NNT: variants seen among roughly 807,000 people sequenced by gnomAD.
NNT encodes NAD(P) transhydrogenase, mitochondrial.
NNT carries 50 observed loss-of-function variants against 104.8 expected under a neutral mutation model. The ratio of observed to expected loss-of-function variants is 0.48; its 90% CI spans 0.38 to 0.60. The LOEUF is 0.60. Among genes scored for constraint, NNT ranks in the 20% least tolerant of loss-of-function variants. NNT has a pLI of 0.00. For missense variants in NNT, 1,131 were observed against 1,330.7 expected, an observed-to-expected ratio of 0.85 and a Z score of 2.33; for synonymous variants, 461 against 490.4, an observed-to-expected ratio of 0.94 and a Z score of 0.79.
chr5:43,644,117 A>T, intron 7 of NNT, 75 bp from the exon 8 acceptor site: 1 of 1,349,858 alleles, frequency 7.4e-7, no homozygotes, highest in Middle Eastern at 2.6e-4. Flanking sequence ...ATGCCCAGAG[A>T]CTACTGTAAT....
chr5:43,607,593 G>A (rs1009737656), intron 1 of NNT, among the ~76,000 whole-genome samples: 6 of 152,112 alleles, frequency 3.9e-5, no homozygotes, highest in Non-Finnish European at 5.9e-5. Context: ...CTCTTCACAC[G>A]GACGTGCATA....
At chr5:43,664,959 A>C (rs989268618) in intron 17 of NNT, among the ~76,000 whole-genome samples, 1 of 152,062 alleles carries the variant, frequency 6.6e-6, no homozygotes, top group African/African-American at 2.4e-5. Flanking sequence ...TTTTCTCCCT[A>C]AGATGCCATC....
intron 17 of NNT, among the ~76,000 whole-genome samples, chr5:43,671,653 G>A (rs1398220868): frequency 1.3e-5 from 2 of 152,192 alleles, no homozygotes; most frequent in African/African-American, 2.4e-5. Context: ...TGAGAGATCA[G>A]CTGTTAGTCT....
intron 13 of NNT, 142 bp from the exon 14 acceptor site, chr5:43,652,876 A>G (rs1277968208): frequency 3.5e-6 from 2 of 573,140 alleles, no homozygotes; most frequent in Non-Finnish European, 5.7e-6. Flanking sequence ...GAAAAAATCA[A>G]TTTATATAAA....
intron 7 of NNT, among the ~76,000 whole-genome samples, chr5:43,636,995 C>T (rs1332944586): frequency 6.6e-6 from 1 of 152,104 alleles, no homozygotes; most frequent in Non-Finnish European, 1.5e-5. Context: ...AGAAATATCT[C>T]AAGGGGTCCA....
rs1212137164 is a variant in NNT, at chr5:43,644,635, G to A, written c.1123G>A (p.Asp375Asn). The A allele has an allele frequency of 3.7e-6, 6 of 1,613,982 alleles. No homozygotes were observed. In the East Asian group the frequency reaches 1.1e-4, roughly 30 times the overall value. The change falls in exon 9 of 22, where the codon GAC becomes AAC. Residue 375 changes from aspartate (D) to asparagine (N), a missense_variant. Asp to Asn is a conservative substitution (Grantham distance 23). Transcript: ENST00000344920. The stretch of plus-strand genomic sequence containing the variant: ...GGGAATTACTCACATAGGCTACACA[G>A]ACCTGCCCAGCCGAATGGCCACTCA... ...HKGITHIGYT[D>N]LPSRMATQAS...
Position 43,700,183 on chromosome 5 carries a change from G to T in NNT, c.2941G>T (p.Gly981Cys). 6.2e-7 allele frequency: 1 copy of T among 1,613,708 alleles called. No homozygotes were observed. The highest frequency in any genetic ancestry group is 1.1e-5 in the South Asian group (1 of 91,010). ...GCTTAATGTGCTGCTGGCTGAGGCT[G>T]GTGTGCCATATGACATTGTGTTGGA... ...GQLNVLLAEA[G>C]VPYDIVLEMD... The change falls in exon 20 of 22, where the codon GGT (glycine) becomes TGT (cysteine). Residue 981 changes from glycine to cysteine, a missense_variant. Transcript: ENST00000344920.
At chr5:43,670,130 CT>C (rs1423259557) in intron 17 of NNT, among the ~76,000 whole-genome samples, 1 of 152,028 alleles carries the variant, frequency 6.6e-6, no homozygotes, top group Non-Finnish European at 1.5e-5. Flanking sequence ...TGGTGATATT[CT>C]CCTTATCATT....
chr5:43,653,078 G>T lies in NNT; in HGVS notation c.1924G>T (p.Gly642Ter). The T allele has an allele frequency of 6.2e-7, 1 of 1,614,070 alleles. No individual in the cohort carries two copies. The highest frequency in any genetic ancestry group is 8.5e-7 in the Non-Finnish European group (1 of 1,179,988). The change falls in exon 14 of 22, where the codon GGA becomes TGA. Residue 642 changes from glycine (G) to a stop codon, truncating the protein, a stop_gained. Transcript: ENST00000344920. LOFTEE classifies it high-confidence loss of function. ...VGALAGLSTQ[G>*]TARLGNALGM... ...TGCCTTGGCTGGCCTCTCCACCCAG[G>T]GAACAGCACGTCTTGGCAATGCACT...
Position 43,653,186 on chromosome 5 carries a change from G to C in NNT, c.2032G>C (p.Gly678Arg). ...PGPELLAQMSGAMALGGTIGL... is the reference protein window; with the variant it reads ...PGPELLAQMSRAMALGGTIGL... ...CCCAGAATTACTAGCTCAGATGTCT[G>C]GAGCGATGGCTTTGGGTGGTACCAT... The change falls in exon 14 of 22, where the codon GGA becomes CGA. Residue 678 changes from glycine (G) to arginine (R), a missense_variant. Gly to Arg is a moderately radical substitution (Grantham distance 125, BLOSUM62 -2). Coordinates refer to ENST00000344920, the MANE Select transcript of NNT (RefSeq NM_182977.3). The C allele has an allele frequency of 6.2e-7, 1 of 1,614,062 alleles. No individual in the cohort carries two copies. The highest frequency in any genetic ancestry group is 8.5e-7 in the Non-Finnish European group (1 of 1,179,974).
chr5:43,681,198 C>T (rs1343043071), intron 19 of NNT, among the ~76,000 whole-genome samples: 5 of 143,664 alleles, frequency 3.5e-5, no homozygotes, highest in Non-Finnish European at 6.0e-5. Flanking sequence ...AGGTGGAGCT[C>T]GCAGTGAGCC....
Position 43,644,193 on chromosome 5 carries a change from T to C in NNT, c.966T>C (p.Gly322=). ...TGCTGCTTTCTTTGATTTTATTAGGTAAAAAAGCTCCAGTTTTATTTAATA... is the reference window on the plus strand; with the variant it reads ...TGCTGCTTTCTTTGATTTTATTAGGCAAAAAAGCTCCAGTTTTATTTAATA... ...DILISTALIP[G]KKAPVLFNKE... Residue 322 remains glycine (G), a splice_region_variant and synonymous_variant, in exon 8 of 22, where the codon GGT becomes GGC. Coordinates refer to ENST00000344920, the MANE Select transcript of NNT (RefSeq NM_182977.3). 6.2e-7 allele frequency: 1 copy of C among 1,600,756 alleles called. No homozygotes were observed. The highest frequency in any genetic ancestry group is 8.5e-7 in the Non-Finnish European group (1 of 1,175,374).
intron 17 of NNT, among the ~76,000 whole-genome samples, chr5:43,667,950 T>C (rs1267725464): frequency 6.6e-6 from 1 of 152,240 alleles, no homozygotes; most frequent in Non-Finnish European, 1.5e-5. Flanking sequence ...GACTTTTTAC[T>C]GATCGCCATT....
chr5:43,704,657 T>G lies in NNT; in HGVS notation c.*253T>G. 2.7e-6 allele frequency: 1 copy of G among 374,028 alleles called. No individual in the cohort carries two copies. The highest frequency in any genetic ancestry group is 4.8e-6 in the Non-Finnish European group (1 of 207,764). 23.2% of individuals were successfully genotyped at this position (374,028 alleles called of 1,614,324 possible). On this transcript the variant is annotated 3_prime_UTR_variant, in exon 22 of 22. Coordinates refer to ENST00000344920, the MANE Select transcript of NNT (RefSeq NM_182977.3). ...TGTGTTAGGAATCAAAAGTATTTTA[T>G]AAAAGGAGAAAGAACAGCCTCATTT...
chr5:43,644,250 AGTT>A lies in NNT; in HGVS notation c.1029_1031del (p.Val344del), dbSNP rs754793200. 4 of 1,613,354 alleles carry A rather than the reference AGTT, an allele frequency of 2.5e-6. No homozygotes were observed. In the African/African-American group the frequency reaches 5.3e-5, roughly 22 times the overall value. Reference sequence around the variant, plus strand: ...TGATTGAGTCAATGAAGGAAGGTTCAGTTGTTGTGGATTTAGCTGCTGAGGCTG... The same window carrying A: ...TGATTGAGTCAATGAAGGAAGGTTCAGTTGTGGATTTAGCTGCTGAGGCTG... On this transcript the variant is annotated inframe_deletion, in exon 8 of 22. Transcript: ENST00000344920.
chr5:43,644,489 G>A, intron 8 of NNT, 122 bp from the exon 9 acceptor site: 3 of 1,109,206 alleles, frequency 2.7e-6, no homozygotes, highest in South Asian at 3.1e-5. Flanking sequence ...TTATGGGTAT[G>A]TATGTATATT....
chr5:43,659,301 G>C lies in NNT; in HGVS notation c.2585G>C (p.Gly862Ala), dbSNP rs1474421419. The C allele has an allele frequency of 6.2e-7, 1 of 1,613,924 alleles. No individual in the cohort carries two copies. The highest frequency in any genetic ancestry group is 8.5e-7 in the Non-Finnish European group (1 of 1,179,990). The change falls in exon 17 of 22, where the codon GGT becomes GCT. Residue 862 changes from glycine to alanine, a missense_variant. Coordinates refer to ENST00000344920, the MANE Select transcript of NNT (RefSeq NM_182977.3). Reference sequence around the variant, plus strand: ...AACAACAATCTGCTGACCATCGTGGGTGCACTCATAGGCTCGTCTGGTGCT... The same window carrying C: ...AACAACAATCTGCTGACCATCGTGGCTGCACTCATAGGCTCGTCTGGTGCT... ...LLNNNLLTIV[G>A]ALIGSSGAIL... is the part of the protein sequence containing the mutation.
At chr5:43,616,947 T>TA (rs1422510234) in intron 4 of NNT, among the ~76,000 whole-genome samples, 1 of 152,126 alleles carries the variant, frequency 6.6e-6, no homozygotes. Context: ...ATAACCTTTT[T>TA]AAAAAAACAG....
intron 10 of NNT, among the ~76,000 whole-genome samples, chr5:43,646,536 T>G (rs1330090869): frequency 1.3e-5 from 2 of 151,810 alleles, no homozygotes; most frequent in East Asian, 3.9e-4. Context: ...TGAGCTCAAG[T>G]GATCCTCCTG....
Sources: gnomAD v4.1 joint callset for allele counts (sites outside exome capture counted in the v4.1 genomes callset) on GRCh38, gnomAD v4.1.1 for gene constraint, MANE v1.5 for transcripts, NCBI Gene and HGNC (gene_info 2026-07-23, HGNC 2026-07-21) for gene names.